The following ZNF644 variants were observed in gnomAD, a reference collection of about 807,000 sequenced individuals.
The protein encoded by ZNF644 is zinc finger protein 644.
A neutral mutation model predicts 108.0 loss-of-function variants in ZNF644; 20 were observed. The observed-to-expected ratio is 0.19, with a 90% CI of 0.13 to 0.27. The LOEUF is 0.27. Among genes scored for constraint, ZNF644 ranks in the 10% least tolerant of loss-of-function variants. The pLI is 1.00. For missense variants in ZNF644, 1,338 were observed against 1,548.9 expected (o/e 0.86, Z 2.29); for synonymous variants, 542 against 539.1 (o/e 1.01, Z -0.08).
intron 1 of ZNF644, among the ~76,000 whole-genome samples, chr1:91,013,411 C>T (rs1251058183): frequency 1.3e-5 from 2 of 151,512 alleles, no homozygotes; most frequent in South Asian, 2.1e-4. Flanking sequence ...GTATGAGACA[C>T]GAATTAGGCA....
chr1:90,932,377 C>A lies in ZNF644; in HGVS notation c.3688+5108G>T, dbSNP rs189926274. On this transcript the variant is annotated intron_variant, in intron 4 of 5. Coordinates refer to ENST00000337393, the MANE Select transcript of ZNF644 (RefSeq NM_201269.3). ...TAAGACTGCTTAAACTAGAAATACACATACTGGACATGGTTAGGGAGGCTT... is the reference window on the plus strand; with the variant it reads ...TAAGACTGCTTAAACTAGAAATACAAATACTGGACATGGTTAGGGAGGCTT... Among the ~76,000 whole-genome samples, 8 of 152,268 alleles carry A rather than the reference C, an allele frequency of 5.3e-5. No individual in the cohort carries two copies. In the East Asian group the frequency reaches 1.3e-3, roughly 26 times the overall value.
chr1:90,981,279 GAGGTACTATAACGATCAATA>G (rs1656524164), intron 2 of ZNF644, among the ~76,000 whole-genome samples: 1 of 152,006 alleles, frequency 6.6e-6, no homozygotes, highest in African/African-American at 2.4e-5. Context: ...ACAACAAGAG[GAGGTACTATAACGATCAATA>G]AGGTATGACA....
intron 2 of ZNF644, among the ~76,000 whole-genome samples, chr1:90,974,068 C>T (rs1196866227): frequency 6.6e-6 from 1 of 152,046 alleles, no homozygotes; most frequent in Non-Finnish European, 1.5e-5. Flanking sequence ...ACAGAGATGC[C>T]AAGAAGAATC....
chr1:90,919,120 T>C (rs890385702), intron 4 of ZNF644, among the ~76,000 whole-genome samples: 1 of 152,272 alleles, frequency 6.6e-6, no homozygotes, highest in African/African-American at 2.4e-5. Context: ...TAGCAATAGA[T>C]AGCACATAAC....
intron 4 of ZNF644, among the ~76,000 whole-genome samples, chr1:90,933,294 G>A (rs371886874): frequency 2.9e-4 from 44 of 152,176 alleles, no homozygotes; most frequent in African/African-American, 1.0e-3. Flanking sequence ...TTAGGCCTAA[G>A]CACTTCTTGG....
At chr1:91,010,069 A>G (rs1267775785) in intron 1 of ZNF644, among the ~76,000 whole-genome samples, 4 of 152,074 alleles carry the variant, frequency 2.6e-5, no homozygotes, top group Admixed American at 1.3e-4. Flanking sequence ...TTCTTCATGT[A>G]ATTCTATTCA....
chr1:90,960,304 T>G (rs1430480343), intron 2 of ZNF644, among the ~76,000 whole-genome samples: 1 of 152,158 alleles, frequency 6.6e-6, no homozygotes, highest in East Asian at 1.9e-4. Context: ...TTTGTGCAAG[T>G]TTTCCTGTTG....
intron 1 of ZNF644, among the ~76,000 whole-genome samples, chr1:91,019,524 C>T (rs1227089900): frequency 6.6e-6 from 1 of 152,148 alleles, no homozygotes; most frequent in Non-Finnish European, 1.5e-5. Context: ...GATTTTGTTT[C>T]ACTGAAAGTC....
chr1:91,000,973 A>T (rs1658717361), intron 1 of ZNF644, among the ~76,000 whole-genome samples: 1 of 152,222 alleles, frequency 6.6e-6, no homozygotes, highest in Non-Finnish European at 1.5e-5. Context: ...CACCCTCCCA[A>T]GACTAAACCA....
intron 2 of ZNF644, among the ~76,000 whole-genome samples, chr1:90,971,796 GAGA>G (rs1206545703): frequency 6.6e-6 from 1 of 152,136 alleles, no homozygotes; most frequent in Non-Finnish European, 1.5e-5. Flanking sequence ...GAGAAGAGGT[GAGA>G]AGGAGAGAGG....
chr1:90,938,192 C>T lies in ZNF644; in HGVS notation c.3082+80G>A, dbSNP rs1651551292. On this transcript the variant is annotated intron_variant, in intron 3 of 5. Coordinates refer to ENST00000337393, the MANE Select transcript of ZNF644 (RefSeq NM_201269.3). The surrounding 1 kb of genome is among the most constrained non-coding windows in gnomAD (Gnocchi z 4.2). The stretch of plus-strand genomic sequence containing the variant: ...CATAAAATTATGATTCTAATAAAGA[C>T]TAAATTCAAAAAAAACTTTTAAATC... 3.1e-6 allele frequency: 5 copies of T among 1,609,282 alleles called. No homozygotes were observed. Among genetic ancestry groups the T allele is most frequent in the African/African-American group, 1.3e-5 (1 of 74,662 alleles).
intron 1 of ZNF644, among the ~76,000 whole-genome samples, chr1:90,996,339 T>A (rs908798892): frequency 5.3e-5 from 8 of 152,172 alleles, no homozygotes; most frequent in Admixed American, 5.2e-4. Flanking sequence ...ACTGTGAAAA[T>A]CAACATTCTG....
chr1:91,016,942 C>G (rs1228128745), intron 1 of ZNF644, among the ~76,000 whole-genome samples: 1 of 152,186 alleles, frequency 6.6e-6, no homozygotes, highest in Non-Finnish European at 1.5e-5. Context: ...AAGTGATTCT[C>G]CTGCCTCGGC....
chr1:90,959,758 A>T (rs980545277), intron 2 of ZNF644, among the ~76,000 whole-genome samples: 4 of 152,176 alleles, frequency 2.6e-5, no homozygotes, highest in Admixed American at 2.6e-4. Flanking sequence ...CAGTGTTTTT[A>T]TGGGGTGATG....
intron 4 of ZNF644, among the ~76,000 whole-genome samples, chr1:90,919,329 T>C (rs1244636290): frequency 6.6e-6 from 1 of 152,100 alleles, no homozygotes; most frequent in East Asian, 1.9e-4. Flanking sequence ...AAAAATTCCC[T>C]GGAAAAATTC....
chr1:90,980,600 T>C (rs1656448183), intron 2 of ZNF644, among the ~76,000 whole-genome samples: 1 of 152,192 alleles, frequency 6.6e-6, no homozygotes, highest in Non-Finnish European at 1.5e-5. Flanking sequence ...CTTTGTAGTG[T>C]GTTCATACAA....
chr1:91,000,840 T>C (rs370542817), intron 1 of ZNF644, among the ~76,000 whole-genome samples: 2 of 151,946 alleles, frequency 1.3e-5, no homozygotes, highest in East Asian at 3.9e-4. Flanking sequence ...CAATAAAAAA[T>C]GATAAAGGGG....
intron 2 of ZNF644, among the ~76,000 whole-genome samples, chr1:90,955,992 C>T (rs1045655276): frequency 6.6e-6 from 1 of 152,142 alleles, no homozygotes; most frequent in Non-Finnish European, 1.5e-5. Context: ...CACTCAAACA[C>T]TAATAGAGGC....
chr1:90,918,210 C>A (rs1185514126), intron 4 of ZNF644, 56 bp from the exon 5 acceptor site: 8 of 1,414,782 alleles, frequency 5.7e-6, no homozygotes, highest in Non-Finnish European at 8.0e-6. Context: ...AATATACATA[C>A]ACACATATTT....
Sources: gnomAD v4.1 joint callset for allele counts (sites outside exome capture counted in the v4.1 genomes callset) on GRCh38, gnomAD v4.1.1 for gene constraint, Gnocchi (gnomAD v3.1) non-coding constraint, MANE v1.5 for transcripts, NCBI Gene and HGNC (gene_info 2026-07-23, HGNC 2026-07-21) for gene names.